The following BRCA2 variants were observed in gnomAD, a reference collection of about 807,000 sequenced individuals.
The protein encoded by BRCA2 is BRCA2 DNA repair associated, also known as breast cancer type 2 susceptibility protein.
In BRCA2, 203 loss-of-function variants were observed where a neutral mutation model predicts 276.7. The observed-to-expected ratio is 0.73, with a 90% CI of 0.65 to 0.82. The LOEUF is 0.82. BRCA2 is among the 40% of genes least tolerant of loss of function. The pLI is 0.00. For missense variants in BRCA2, 3,920 were observed against 3,915.0 expected (o/e 1.00, Z -0.03); for synonymous variants, 1,289 against 1,338.4 (o/e 0.96, Z 0.81).
In BRCA2 at chr13:32,332,227, A is replaced by G. The variant is rs370936409; in HGVS notation, c.794-45A>G. 3.4e-5 allele frequency: 51 copies of G among 1,494,074 alleles called. No individual in the cohort carries two copies. The highest frequency in any genetic ancestry group is 4.6e-5 in the Non-Finnish European group (50 of 1,091,336). The allele number at this position is 1,494,074 out of a possible 1,614,324, so 92.6% of individuals were successfully genotyped here. Reference sequence around the variant, plus strand: ...AGGTTGTGAGAATAATATAAATTATATGGCTTATAAAATATTAATGTGCTT... The same window carrying G: ...AGGTTGTGAGAATAATATAAATTATGTGGCTTATAAAATATTAATGTGCTT... On this transcript the variant is annotated intron_variant, in intron 9 of 26. Transcript: ENST00000380152.
Position 32,332,957 on chromosome 13 carries a change from A to G in BRCA2, c.1479A>G (p.Pro493=), listed in dbSNP as rs1555281918. The stretch of plus-strand genomic sequence containing the variant: ...AGCAGGCAATATCTGGAACTTCTCC[A>G]GTGGCTTCTTCATTTCAGGGTATCA... ...AVKQAISGTS[P]VASSFQGIKK... The change falls in exon 10 of 27, where the codon CCA becomes CCG. Residue 493 remains proline, a synonymous_variant. Transcript: ENST00000380152. 1.9e-6 allele frequency: 3 copies of G among 1,602,774 alleles called. No individual in the cohort carries two copies. The highest frequency in any genetic ancestry group is 2.5e-6 in the Non-Finnish European group (3 of 1,177,386).
At chr13:32,373,379 G>A (rs1028947079) in intron 20 of BRCA2, among the ~76,000 whole-genome samples, 18 of 151,758 alleles carry the variant, frequency 1.2e-4, no homozygotes, top group Non-Finnish European at 1.9e-4. Flanking sequence ...GGTGGCACGC[G>A]TCTGTAATCC....
chr13:32,365,062 A>G (rs571800896), intron 18 of BRCA2, among the ~76,000 whole-genome samples: 2 of 136,652 alleles, frequency 1.5e-5, no homozygotes, highest in East Asian at 4.3e-4. Context: ...TTTTTAAGAC[A>G]TTTCATTTAT....
intron 12 of BRCA2, among the ~76,000 whole-genome samples, chr13:32,346,208 A>G (rs2072609736): frequency 6.6e-6 from 1 of 151,884 alleles, no homozygotes; most frequent in Admixed American, 6.6e-5. Context: ...ATTCTGTTTA[A>G]TAAAAATAAG....
In BRCA2 at chr13:32,362,524, G is replaced by A. The variant is rs730881560; in HGVS notation, c.7807G>A (p.Ala2603Thr). 6.2e-7 allele frequency: 1 copy of A among 1,613,328 alleles called. No homozygotes were observed. Among genetic ancestry groups the A allele is most frequent in the Non-Finnish European group, 8.5e-7 (1 of 1,179,440 alleles). The change falls in exon 17 of 27, where the codon GCT becomes ACT. Residue 2603 changes from alanine to threonine, a missense_variant and splice_region_variant. Physicochemically the swap from Ala to Thr is moderately conservative, Grantham distance 58 (BLOSUM62 0). This residue lies in a region of BRCA2 where 3,263 missense variants were observed against 3,156.9 expected (regional missense o/e 1.03). Transcript: ENST00000380152. ...GKAGKEEFYR[A>T]LCDTPGVDPK... ...AATATTCTACTTTTATTTGTTCAGG[G>A]CTCTGTGTGACACTCCAGGTGTGGA...
chr13:32,357,800 C>G lies in BRCA2; in HGVS notation c.7676C>G (p.Ser2559Cys), dbSNP rs1060502421. ...CIKINSKNAE[S>C]FQFHTEDYFG... The stretch of plus-strand genomic sequence containing the variant: ...AAAATTAACAGCAAAAATGCAGAGT[C>G]TTTTCAGTTTCACACTGAAGATTAT... Residue 2559 changes from serine to cysteine, a missense_variant, in exon 16 of 27, where the codon TCT becomes TGT. Physicochemically the swap from Ser to Cys is moderately radical, Grantham distance 112. Coordinates refer to ENST00000380152, the MANE Select transcript of BRCA2 (RefSeq NM_000059.4). 1.9e-6 allele frequency: 3 copies of G among 1,613,556 alleles called. No individual in the cohort carries two copies. In the African/African-American group the frequency reaches 4.0e-5, roughly 22 times the overall value.
In BRCA2 at chr13:32,363,382, C is replaced by G. The variant is rs879255468; in HGVS notation, c.8180C>G (p.Ala2727Gly). The G allele has an allele frequency of 3.7e-6, 6 of 1,614,126 alleles. No homozygotes were observed. Among genetic ancestry groups the G allele is most frequent in the Non-Finnish European group, 5.1e-6 (6 of 1,180,024 alleles). Residue 2727 changes from alanine to glycine, a missense_variant, in exon 18 of 27, where the codon GCT (alanine) becomes GGT (glycine). Transcript: ENST00000380152. ...AIIELTDGWY[A>G]VKAQLDPPLL... The stretch of plus-strand genomic sequence containing the variant: ...ATTGAACTTACAGATGGGTGGTATG[C>G]TGTTAAGGCCCAGTTAGATCCTCCC...
intron 16 of BRCA2, among the ~76,000 whole-genome samples, chr13:32,359,742 G>A (rs575624586): frequency 1.2e-4 from 18 of 152,058 alleles, no homozygotes; most frequent in Admixed American, 5.9e-4. Context: ...TTATTTTCTC[G>A]TACTAAATAG....
At chr13:32,330,390 G>T (rs1220236477) in intron 8 of BRCA2, among the ~76,000 whole-genome samples, 1 of 152,062 alleles carries the variant, frequency 6.6e-6, no homozygotes, top group Non-Finnish European at 1.5e-5. Flanking sequence ...TCCTTAAGTC[G>T]AGAACTTTCA....
intron 15 of BRCA2, 73 bp from the exon 16 acceptor site, chr13:32,357,669 T>C: frequency 6.7e-7 from 1 of 1,496,302 alleles, no homozygotes; most frequent in South Asian, 1.2e-5. Flanking sequence ...TGGTTTGTTA[T>C]AATTGTTTTT....
In BRCA2 at chr13:32,338,939, C is replaced by G. The variant is rs80359788; in HGVS notation, c.4584C>G (p.Ser1528Arg). Reference protein sequence around the residue: ...EPTLLGFHTASGKKVKIAKES... With the variant: ...EPTLLGFHTARGKKVKIAKES... ...CTCTATTGGGTTTTCATACAGCTAG[C>G]GGGAAAAAAGTTAAAATTGCAAAGG... is the stretch of plus-strand genomic sequence containing the variant. Residue 1528 changes from serine (S) to arginine (R), a missense_variant, in exon 11 of 27, where the codon AGC becomes AGG. Physicochemically the swap from Ser to Arg is moderately radical, Grantham distance 110 (BLOSUM62 -1). Coordinates refer to ENST00000380152, the MANE Select transcript of BRCA2 (RefSeq NM_000059.4). 3 of 1,613,662 alleles carry G rather than the reference C, an allele frequency of 1.9e-6. No homozygotes were observed. Among genetic ancestry groups the G allele is most frequent in the Admixed American group, 1.7e-5 (1 of 59,954 alleles).
In BRCA2 at chr13:32,339,078, G is replaced by A. The variant is rs587782013; in HGVS notation, c.4723G>A (p.Asp1575Asn). Residue 1575 changes from aspartate to asparagine, a missense_variant, in exon 11 of 27, where the codon GAC (aspartate) becomes AAC (asparagine). Asp to Asn is a conservative substitution (Grantham distance 23). Coordinates refer to ENST00000380152, the MANE Select transcript of BRCA2 (RefSeq NM_000059.4). ...CCTAAAGTACAGAGAGGCCTGTAAAGACCTTGAATTAGCATGTGAGACCAT... is the reference window on the plus strand; with the variant it reads ...CCTAAAGTACAGAGAGGCCTGTAAAAACCTTGAATTAGCATGTGAGACCAT... Reference protein sequence around the residue: ...KTLKYREACKDLELACETIEI... With the variant: ...KTLKYREACKNLELACETIEI... 1 of 1,614,012 alleles carries A rather than the reference G, an allele frequency of 6.2e-7. No homozygotes were observed. Among genetic ancestry groups the A allele is most frequent in the South Asian group, 1.1e-5 (1 of 91,082 alleles).
chr13:32,328,666 T>C (rs1012985264), intron 7 of BRCA2, among the ~76,000 whole-genome samples: 1 of 152,164 alleles, frequency 6.6e-6, no homozygotes, highest in African/African-American at 2.4e-5. Context: ...AAATAAAAAA[T>C]ACAATATATC....
At chr13:32,321,163 A>G (rs2072303466) in intron 3 of BRCA2, among the ~76,000 whole-genome samples, 1 of 152,250 alleles carries the variant, frequency 6.6e-6, no homozygotes, top group South Asian at 2.1e-4. Flanking sequence ...AACAAATGAC[A>G]GGGCAAAGCA....
rs587776468 is a variant in BRCA2 at position 32,340,399 on chromosome 13, T to C, written c.6044T>C (p.Leu2015Ser). ...DSTKQVFSKVLFKSNEHSDQL... is the reference protein window; with the variant it reads ...DSTKQVFSKVSFKSNEHSDQL... The stretch of plus-strand genomic sequence containing the variant: ...ACCAAGCAAGTCTTTTCCAAAGTAT[T>C]GTTTAAAAGTAACGAACATTCAGAC... The change falls in exon 11 of 27, where the codon TTG (leucine) becomes TCG (serine). Residue 2015 changes from leucine to serine, a missense_variant. Leu to Ser is a moderately radical substitution (Grantham distance 145, BLOSUM62 -2). Transcript: ENST00000380152. The C allele has an allele frequency of 1.2e-6, 2 of 1,613,772 alleles. No individual in the cohort carries two copies. The highest frequency in any genetic ancestry group is 4.5e-5 in the East Asian group (2 of 44,838).
At chr13:32,382,252 A>G (rs2072929720) in intron 24 of BRCA2, among the ~76,000 whole-genome samples, 1 of 152,170 alleles carries the variant, frequency 6.6e-6, no homozygotes, top group Non-Finnish European at 1.5e-5. Flanking sequence ...GCACCCGGCC[A>G]GTCATACAGG....
Position 32,333,028 on chromosome 13 carries a change from A to G in BRCA2, c.1550A>G (p.Asn517Ser), listed in dbSNP as rs80358439. The G allele has an allele frequency of 1.1e-5, 17 of 1,596,204 alleles. No homozygotes were observed. The highest frequency in any genetic ancestry group is 3.4e-4 in the Middle Eastern group (2 of 5,934). Residue 517 changes from asparagine (N) to serine (S), a missense_variant, in exon 10 of 27, where the codon AAT becomes AGT. Coordinates refer to ENST00000380152, the MANE Select transcript of BRCA2 (RefSeq NM_000059.4). The stretch of plus-strand genomic sequence containing the variant: ...AGAGAATCACCTAAAGAGACTTTCA[A>G]TGCAAGTTTTTCAGGTCATATGACT... ...RIRESPKETF[N>S]ASFSGHMTDP...
At chr13:32,385,174 G>A (rs1248372322) in intron 24 of BRCA2, 3 of 209,286 alleles carry the variant, frequency 1.4e-5, no homozygotes, top group Non-Finnish European at 3.0e-5. Context: ...GGCAGTGGCT[G>A]CTGAAAACCC....
chr13:32,318,953 C>A, intron 2 of BRCA2, 124 bp from the exon 3 acceptor site: 1 of 1,280,100 alleles, frequency 7.8e-7, no homozygotes, highest in Non-Finnish European at 1.1e-6. Context: ...AATTAATATG[C>A]CTTAACAAAA....
Sources: allele counts gnomAD v4.1 joint callset (sites outside exome capture counted in the v4.1 genomes callset), GRCh38; gene constraint gnomAD v4.1.1; regional missense constraint gnomAD v4.1.1; transcripts MANE v1.5; gene names NCBI Gene and HGNC (gene_info 2026-07-23, HGNC 2026-07-21).